Variants in PADI2 observed in about 807,000 individuals in gnomAD.
PADI2 encodes the protein protein-arginine deiminase type-2.
PADI2 carries 70 observed loss-of-function variants against 81.1 expected under a neutral mutation model. That is an observed-to-expected ratio of 0.86 (90% CI 0.71 to 1.05). The LOEUF is 1.05. Among genes scored for constraint, PADI2 ranks in the 50% least tolerant of loss-of-function variants. The pLI, the probability that PADI2 is intolerant of heterozygous loss-of-function variation, is 0.00. For missense variants in PADI2, 853 were observed against 889.9 expected (o/e 0.96, Z 0.53); for synonymous variants, 338 against 358.0 (o/e 0.94, Z 0.63).
In PADI2 at chr1:17,083,737, G is replaced by T; in HGVS notation, c.1039C>A (p.Arg347Ser). 3.1e-6 allele frequency: 5 copies of T among 1,610,238 alleles called. No homozygotes were observed. Among genetic ancestry groups the T allele is most frequent in the Non-Finnish European group, 4.3e-6 (5 of 1,176,466 alleles). ...CCTGGGCTCCTTACCTGGATCCAGC[G>T]ATCGCCTCGGTTTAGGTACTGGAAG... ...VCFQYLNRGDRWIQDEIEFGY... is the reference protein window; with the variant it reads ...VCFQYLNRGDSWIQDEIEFGY... Residue 347 changes from arginine to serine, a missense_variant, in exon 9 of 16, where the codon CGC becomes AGC. Transcript: ENST00000375486.
chr1:17,086,722 C>G lies in PADI2; in HGVS notation c.656-23G>C, dbSNP rs375396412. 4 of 1,605,896 alleles carry G rather than the reference C, an allele frequency of 2.5e-6. No homozygotes were observed. The African/African-American group carries it at 5.3e-5, about 21-fold the overall frequency. On this transcript the variant is annotated intron_variant, in intron 6 of 15. Coordinates refer to ENST00000375486, the MANE Select transcript of PADI2 (RefSeq NM_007365.3). ...GGTCTGGAGGGAAAAGGACCAACGTCAGACTCCCACCCGCATCAGAAAGAG... is the reference window on the plus strand; with the variant it reads ...GGTCTGGAGGGAAAAGGACCAACGTGAGACTCCCACCCGCATCAGAAAGAG...
At chr1:17,104,147 T>C (rs568054831) in intron 2 of PADI2, among the ~76,000 whole-genome samples, 2 of 145,096 alleles carry the variant, frequency 1.4e-5, no homozygotes, top group South Asian at 2.2e-4. Flanking sequence ...AAAAATTAGC[T>C]AGGCATAGGG....
rs771264677 is a variant in PADI2, at chr1:17,075,829, G to A, written c.1311-6C>T. ...TCATCCTCCGACCACCAGACCTGGA[G>A]AAGGGAGGAAGAGGAGTTTCAGCAA... On this transcript the variant is annotated splice_polypyrimidine_tract_variant and splice_region_variant and intron_variant, in intron 11 of 15. Transcript: ENST00000375486. The A allele has an allele frequency of 1.2e-5, 19 of 1,612,974 alleles. No homozygotes were observed. The highest frequency in any genetic ancestry group is 1.6e-5 in the Non-Finnish European group (19 of 1,179,642).
intron 15 of PADI2, among the ~76,000 whole-genome samples, chr1:17,069,701 A>G (rs2078251474): frequency 6.6e-6 from 1 of 152,100 alleles, no homozygotes. Context: ...ATGCATGCAC[A>G]TGTGTTTATG....
intron 1 of PADI2, among the ~76,000 whole-genome samples, chr1:17,118,617 A>G (rs982000970): frequency 1.3e-5 from 2 of 152,086 alleles, no homozygotes; most frequent in Non-Finnish European, 2.9e-5. Flanking sequence ...GTACCCCGCT[A>G]TACACCCCAA....
intron 1 of PADI2, among the ~76,000 whole-genome samples, chr1:17,117,219 C>T (rs959118348): frequency 2.1e-4 from 32 of 152,078 alleles, no homozygotes; most frequent in Non-Finnish European, 5.9e-5. Flanking sequence ...CTGAGATGTG[C>T]TGAAGTGTAA....
In PADI2 at chr1:17,071,441, T is replaced by C. The variant is rs1234797650; in HGVS notation, c.1600A>G (p.Asn534Asp). 4 of 1,613,982 alleles carry C rather than the reference T, an allele frequency of 2.5e-6. No individual in the cohort carries two copies. The Admixed American group carries it at 6.7e-5, about 27-fold the overall frequency. Residue 534 changes from asparagine to aspartate, a missense_variant, in exon 14 of 16, where the codon AAC becomes GAC. Coordinates refer to ENST00000375486, the MANE Select transcript of PADI2 (RefSeq NM_007365.3). ...AGGTTCTCCTGCACAAGGCTCTCGT[T>C]GGACAGAATCTTGTTGATGGTGATT... The part of the protein sequence containing the change: ...KRITINKILS[N>D]ESLVQENLYF...
chr1:17,075,815 C>T lies in PADI2; in HGVS notation c.1319G>A (p.Gly440Asp), dbSNP rs777877721. ...LIGSSFPLSGGRRMTKVVRDF... is the reference protein window; with the variant it reads ...LIGSSFPLSGDRRMTKVVRDF... ...ACGCACCACCTTGGTCATCCTCCGA[C>T]CACCAGACCTGGAGAAGGGAGGAAG... The change falls in exon 12 of 16, where the codon GGT (glycine) becomes GAT (aspartate). Residue 440 changes from glycine (G) to aspartate (D), a missense_variant. Physicochemically the swap from Gly to Asp is moderately conservative, Grantham distance 94. Coordinates refer to ENST00000375486, the MANE Select transcript of PADI2 (RefSeq NM_007365.3). 6.2e-6 allele frequency: 10 copies of T among 1,613,636 alleles called. No individual in the cohort carries two copies. In the South Asian group the frequency reaches 1.1e-4, roughly 18 times the overall value.
At chr1:17,079,688 G>T (rs914564599) in intron 10 of PADI2, among the ~76,000 whole-genome samples, 2 of 152,074 alleles carry the variant, frequency 1.3e-5, no homozygotes, top group African/African-American at 4.8e-5. Flanking sequence ...GAGTGTGTGG[G>T]CATCTGCATT....
intron 13 of PADI2, among the ~76,000 whole-genome samples, chr1:17,074,617 C>T (rs1452616520): frequency 6.6e-6 from 1 of 152,174 alleles, no homozygotes. Context: ...ATGCGCTATG[C>T]ACTGCTGGTG....
chr1:17,072,693 A>G (rs2101571091), intron 13 of PADI2, among the ~76,000 whole-genome samples: 1 of 152,318 alleles, frequency 6.6e-6, no homozygotes, highest in South Asian at 2.1e-4. Flanking sequence ...ACGATGCCTG[A>G]CCATGCCTTC....
intron 1 of PADI2, among the ~76,000 whole-genome samples, chr1:17,105,570 T>G (rs1438207312): frequency 2.6e-5 from 4 of 152,032 alleles, no homozygotes; most frequent in African/African-American, 9.7e-5. Context: ...AATTTTGTGT[T>G]TTTAGTAGAG....
At chr1:17,072,077 G>A (rs145690368) in intron 13 of PADI2, among the ~76,000 whole-genome samples, 2 of 152,318 alleles carry the variant, frequency 1.3e-5, no homozygotes, top group East Asian at 3.9e-4. Flanking sequence ...ATTTCTATGG[G>A]GTAGTCACTA....
intron 2 of PADI2, 35 bp downstream of exon 2, chr1:17,104,843 C>G: frequency 6.6e-7 from 1 of 1,524,342 alleles, no homozygotes; most frequent in Non-Finnish European, 8.8e-7. Context: ...GGCATGGTCC[C>G]GGGCCCGCAG....
intron 1 of PADI2, among the ~76,000 whole-genome samples, chr1:17,117,032 C>G (rs1931780592): frequency 6.6e-6 from 1 of 152,162 alleles, no homozygotes; most frequent in African/African-American, 2.4e-5. Flanking sequence ...TTGGGGGTTG[C>G]TACTGGCATC....
At chr1:17,081,067 GGGCCTTGGAACCA>G (rs1177394316) in intron 10 of PADI2, among the ~76,000 whole-genome samples, 2 of 152,172 alleles carry the variant, frequency 1.3e-5, no homozygotes, top group African/African-American at 4.8e-5. Flanking sequence ...ACGCAGCCTG[GGGCCTTGGAACCA>G]GGCCAGCCTG....
intron 6 of PADI2, among the ~76,000 whole-genome samples, chr1:17,090,708 A>T (rs1930659424): frequency 6.6e-6 from 1 of 151,602 alleles, no homozygotes; most frequent in East Asian, 1.9e-4. Context: ...GCTGCTCCCC[A>T]CAGGATGGGC....
chr1:17,106,445 C>T lies in PADI2; in HGVS notation c.93-1384G>A, dbSNP rs1475301091. 2.0e-5 allele frequency among the ~76,000 whole-genome samples: 3 copies of T among 150,086 alleles called. No homozygotes were observed. The South Asian group carries it at 6.3e-4, about 32-fold the overall frequency. On this transcript the variant is annotated intron_variant, in intron 1 of 15. Coordinates refer to ENST00000375486, the MANE Select transcript of PADI2 (RefSeq NM_007365.3). The stretch of plus-strand genomic sequence containing the variant: ...TCATAGGGGCAGGCTTCTTTTTCTT[C>T]TTCTTTTTTTTTTTTTTGAGATGGA...
intron 2 of PADI2, among the ~76,000 whole-genome samples, chr1:17,104,554 C>T (rs1045955356): frequency 2.7e-5 from 4 of 148,830 alleles, no homozygotes; most frequent in Non-Finnish European, 4.4e-5. Flanking sequence ...CCTGCCTCAG[C>T]CTCCCAAGTA....
Sources: gnomAD v4.1 joint callset for allele counts (sites outside exome capture counted in the v4.1 genomes callset) on GRCh38, gnomAD v4.1.1 for gene constraint, MANE v1.5 for transcripts, NCBI Gene and HGNC (gene_info 2026-07-23, HGNC 2026-07-21) for gene names.